ATG13: variants seen among roughly 807,000 people sequenced by gnomAD.
ATG13 encodes autophagy related 13, also known as autophagy-related protein 13.
A neutral mutation model predicts 65.5 loss-of-function variants in ATG13; 23 were observed. The observed-to-expected ratio is 0.35, with a 90% confidence interval of 0.25 to 0.50. The LOEUF (loss-of-function observed/expected upper bound fraction) is 0.50, where lower values mean the gene tolerates loss of function less well. Ranked by LOEUF, ATG13 falls within the 20% of genes least tolerant of loss-of-function variation. The probability of loss-of-function intolerance (pLI) is 0.98; values close to 1 mark genes in which losing one functional copy is unlikely to be tolerated. For synonymous variants in ATG13, 252 were observed against 245.2 expected (o/e 1.03, Z -0.26); for missense variants, 566 against 677.0 (o/e 0.84, Z 1.82).
intron 3 of ATG13, among the ~76,000 whole-genome samples, chr11:46,644,964 A>G (rs1281231200): frequency 1.3e-5 from 2 of 152,188 alleles, no homozygotes; most frequent in Non-Finnish European, 1.5e-5. Context: ...TTTGTTTTAA[A>G]TCTACCATGG....
intron 1 of ATG13, chr11:46,629,780 C>G (rs977087860): frequency 2.6e-5 from 4 of 152,156 alleles, no homozygotes; most frequent in African/African-American, 7.2e-5. Context: ...TGTTAGAATA[C>G]AAGCTCCATA....
Position 46,664,884 on chromosome 11 carries a change from C to G in ATG13, c.924C>G (p.Ala308=). The change falls in exon 13 of 19, where the codon GCC becomes GCG. Residue 308 remains alanine, a synonymous_variant. Coordinates refer to ENST00000683050, the MANE Select transcript of ATG13 (RefSeq NM_001346311.2). ...CTCGCCTTTCCTATCAGCCTGCTGC[C>G]CTGGGCGTTGGATCAGCTGACCTGG... ...SSSRLSYQPA[A]LGVGSADLAY... is the part of the protein sequence containing the mutation. 6.2e-7 allele frequency: 1 copy of G among 1,613,984 alleles called. No homozygotes were observed. Among genetic ancestry groups the G allele is most frequent in the Non-Finnish European group, 8.5e-7 (1 of 1,179,860 alleles).
chr11:46,655,166 G>A (rs1367191421), intron 7 of ATG13, among the ~76,000 whole-genome samples: 16 of 152,080 alleles, frequency 1.1e-4, no homozygotes, highest in Admixed American at 1.0e-3. Context: ...TTGGGAGGCT[G>A]AGACGGGCGG....
At position 46,643,529 on chromosome 11, in the gene ATG13, T is replaced by A. The variant is rs2056729787; in HGVS notation, c.-13-750T>A. On this transcript the variant is annotated intron_variant, in intron 2 of 18. Coordinates refer to ENST00000683050, the MANE Select transcript of ATG13 (RefSeq NM_001346311.2). ...TCTAAACCTAATTTGCTCTGTATTG[T>A]TTATACCTCTTTGTTCATGCTCGTC... Among the ~76,000 whole-genome samples, 3 of 152,192 alleles carry A rather than the reference T, an allele frequency of 2.0e-5. No individual in the cohort carries two copies. In the South Asian group the frequency reaches 6.2e-4, roughly 31 times the overall value.
intron 1 of ATG13, 189 bp from the exon 2 acceptor site, chr11:46,629,856 G>C (rs895846397): frequency 6.6e-6 from 1 of 152,040 alleles, no homozygotes; most frequent in Non-Finnish European, 1.5e-5. Flanking sequence ...ACATATATCT[G>C]TTCTGTTTAT....
intron 7 of ATG13, among the ~76,000 whole-genome samples, chr11:46,650,586 G>A (rs1385075575): frequency 2.0e-5 from 3 of 152,184 alleles, no homozygotes; most frequent in African/African-American, 7.2e-5. Flanking sequence ...CTTAGAGCTA[G>A]GGAAGGAAGT....
rs1361644257 is a variant in ATG13 at position 46,664,920 on chromosome 11, A to G, written c.960A>G (p.Val320=). 1 of 1,613,978 alleles carries G rather than the reference A, an allele frequency of 6.2e-7. No individual in the cohort carries two copies. ...GVGSADLAYP[V]VFAAGLNATH... ...GATCAGCTGACCTGGCTTATCCAGT[A>G]GTGTTTGCTGCTGGCTTAAATGCTA... Residue 320 remains valine, a synonymous_variant, in exon 13 of 19, where the codon GTA becomes GTG. Coordinates refer to ENST00000683050, the MANE Select transcript of ATG13 (RefSeq NM_001346311.2).
chr11:46,620,340 C>G (rs1287145047), intron 1 of ATG13, among the ~76,000 whole-genome samples: 1 of 151,534 alleles, frequency 6.6e-6, no homozygotes, highest in Non-Finnish European at 1.5e-5. Flanking sequence ...GGTGATCCAC[C>G]CGCCCTGGCC....
intron 16 of ATG13, 101 bp downstream of exon 16, chr11:46,668,677 C>A: frequency 6.7e-7 from 1 of 1,500,222 alleles, no homozygotes; most frequent in Non-Finnish European, 9.3e-7. Flanking sequence ...AAACCATGGC[C>A]CCTCGGCTTA....
At chr11:46,618,745 G>T (rs1591311976) in intron 1 of ATG13, among the ~76,000 whole-genome samples, 3 of 148,238 alleles carry the variant, frequency 2.0e-5, no homozygotes, top group East Asian at 2.0e-4. Context: ...CAATTATGAG[G>T]TTTTTTTTTT....
intron 8 of ATG13, 134 bp downstream of exon 8, chr11:46,656,407 A>G (rs2060055053): frequency 1.4e-5 from 13 of 949,730 alleles, no homozygotes; most frequent in Non-Finnish European, 2.0e-5. Context: ...AAAGATGAGA[A>G]TGCAGGTAGG....
At chr11:46,661,517 C>CAAA (rs61349471) in intron 11 of ATG13, among the ~76,000 whole-genome samples, 5 of 106,554 alleles carry the variant, frequency 4.7e-5, no homozygotes, top group East Asian at 2.6e-4. Context: ...GACTCCGTCT[C>CAAA]AAAAAAAAAA....
At chr11:46,664,213 T>G in intron 12 of ATG13, 118 bp downstream of exon 12, 3 of 836,598 alleles carry the variant, frequency 3.6e-6, no homozygotes, top group Non-Finnish European at 5.4e-6. Flanking sequence ...GGGATTATTT[T>G]GAGGCTTGGT....
intron 7 of ATG13, among the ~76,000 whole-genome samples, chr11:46,654,526 G>A (rs2059627667): frequency 6.8e-6 from 1 of 148,030 alleles, no homozygotes. Flanking sequence ...TTCGATACCA[G>A]CCTGGGCAAC....
At chr11:46,647,284 T>G (rs145815852) in intron 5 of ATG13, among the ~76,000 whole-genome samples, 1 of 34,956 alleles carries the variant, frequency 2.9e-5, no homozygotes, top group Non-Finnish European at 1.3e-4. Flanking sequence ...TTTTTTGTTT[T>G]TTTTTTTTGT....
chr11:46,672,860 T>A lies in ATG13; in HGVS notation c.*528T>A, dbSNP rs2064063433. 1 of 1,145,996 alleles carries A rather than the reference T, an allele frequency of 8.7e-7. No individual in the cohort carries two copies. 71.0% of individuals were successfully genotyped at this position (1,145,996 alleles called of 1,614,324 possible). A position where few individuals can be genotyped will look rare whatever the true frequency, so the allele number is the denominator to read the frequency against. On this transcript the variant is annotated 3_prime_UTR_variant, in exon 19 of 19. Coordinates refer to ENST00000683050, the MANE Select transcript of ATG13 (RefSeq NM_001346311.2). ...TTTACTTCCTGCTATCTTCTTCTCC[T>A]CTTCTTCTCTCTCTTGCCTCTATGC...
Position 46,665,482 on chromosome 11 carries a change from T to C in ATG13, c.1099T>C (p.Ser367Pro), listed in dbSNP as rs1258191659. Residue 367 changes from serine to proline, a missense_variant, in exon 14 of 19, where the codon TCT becomes CCT. By Grantham distance (74) the Ser-to-Pro change is moderately conservative (BLOSUM62 -1). Transcript: ENST00000683050. ...GGAGAGACTGGCAACCTGCACCCCT[T>C]CTGACAGAACCCACTGTGCTGCCAC... Reference protein sequence around the residue: ...DQERLATCTPSDRTHCAATPS... With the variant: ...DQERLATCTPPDRTHCAATPS... The C allele has an allele frequency of 1.9e-6, 3 of 1,614,230 alleles. No individual in the cohort carries two copies. Among genetic ancestry groups the C allele is most frequent in the Non-Finnish European group, 2.5e-6 (3 of 1,180,030 alleles).
intron 1 of ATG13, among the ~76,000 whole-genome samples, chr11:46,620,807 A>G (rs1363318394): frequency 2.0e-5 from 3 of 152,086 alleles, no homozygotes; most frequent in South Asian, 2.1e-4. Flanking sequence ...ATTAACGTGC[A>G]TGGTTGACTT....
intron 11 of ATG13, among the ~76,000 whole-genome samples, chr11:46,661,542 G>A (rs1246841314): frequency 1.4e-5 from 2 of 145,750 alleles, no homozygotes; most frequent in Non-Finnish European, 3.0e-5. Context: ...AAAAGTCATA[G>A]TTCTGCAAGG....
Sources: gnomAD v4.1 joint callset for allele counts (sites outside exome capture counted in the v4.1 genomes callset) on GRCh38, gnomAD v4.1.1 for gene constraint, MANE v1.5 for transcripts, NCBI Gene and HGNC (gene_info 2026-07-23, HGNC 2026-07-21) for gene names.